The following MET variants were observed in gnomAD, a reference collection of about 807,000 sequenced individuals.
The protein encoded by MET is hepatocyte growth factor receptor.
MET carries 48 observed loss-of-function variants against 133.1 expected under a neutral mutation model. That is an observed-to-expected ratio of 0.36 (90% CI 0.29 to 0.46). MET has a LOEUF of 0.46. Ranked by LOEUF, MET falls within the 20% of genes least tolerant of loss-of-function variation. The pLI is 1.00. For missense variants in MET, 1,442 were observed against 1,695.9 expected (o/e 0.85, Z 2.63); for synonymous variants, 628 against 616.5 (o/e 1.02, Z -0.28).
At chr7:116,705,904 C>G (rs1026850747) in intron 2 of MET, among the ~76,000 whole-genome samples, 2 of 152,018 alleles carry the variant, frequency 1.3e-5, no homozygotes, top group African/African-American at 4.8e-5. Flanking sequence ...AATTTTGTAA[C>G]GCCCCCTGAG....
chr7:116,734,046 C>G (rs138637051), intron 3 of MET, among the ~76,000 whole-genome samples: 1,809 of 152,230 alleles, frequency 0.012, 17 homozygotes, highest in South Asian at 0.029. Flanking sequence ...CGGGAGGAGT[C>G]AGGAGTGGAG....
At chr7:116,755,657 T>C in intron 6 of MET, 142 bp downstream of exon 6, 1 of 996,238 alleles carries the variant, frequency 1.0e-6, no homozygotes, top group East Asian at 2.6e-5. Context: ...TGTGGGTCTG[T>C]TCTGTTTTGT....
chr7:116,782,745 C>G (rs1476527441), intron 18 of MET, among the ~76,000 whole-genome samples: 1 of 152,136 alleles, frequency 6.6e-6, no homozygotes. Flanking sequence ...GATGCATAGC[C>G]CCAGATAGCG....
chr7:116,798,057 A>C lies in MET; in HGVS notation c.*1933A>C. 1 of 221,782 alleles carries C rather than the reference A, an allele frequency of 4.5e-6. No individual in the cohort carries two copies. Among genetic ancestry groups the C allele is most frequent in the Non-Finnish European group, 9.0e-6 (1 of 110,572 alleles). 13.7% of individuals were successfully genotyped at this position (221,782 alleles called of 1,614,324 possible). A position where few individuals can be genotyped will look rare whatever the true frequency, so the allele number is the denominator to read the frequency against. ...TATTGTAAATGGTGGATGACAAAAG[A>C]AAATCTGCTCTGTGGAAAGAAAGAA... On this transcript the variant is annotated 3_prime_UTR_variant, in exon 21 of 21. Coordinates refer to ENST00000397752, the MANE Select transcript of MET (RefSeq NM_000245.4).
At chr7:116,707,808 A>G (rs1359200595) in intron 2 of MET, among the ~76,000 whole-genome samples, 2 of 152,174 alleles carry the variant, frequency 1.3e-5, no homozygotes, top group African/African-American at 4.8e-5. Context: ...AATATCTCTA[A>G]AAAATATCTT....
intron 1 of MET, among the ~76,000 whole-genome samples, chr7:116,680,282 C>A (rs1257179733): frequency 6.6e-6 from 1 of 152,130 alleles, no homozygotes; most frequent in Non-Finnish European, 1.5e-5. Context: ...TGGAACCAAA[C>A]CATCAGTAAT....
chr7:116,736,005 T>C (rs1793197587), intron 3 of MET, among the ~76,000 whole-genome samples: 1 of 152,114 alleles, frequency 6.6e-6, no homozygotes, highest in Admixed American at 6.5e-5. Context: ...CTAGAAATCC[T>C]GGCCTCAAGT....
intron 1 of MET, among the ~76,000 whole-genome samples, chr7:116,696,199 ACT>A (rs1422062331): frequency 6.6e-6 from 1 of 151,900 alleles, no homozygotes; most frequent in Admixed American, 6.6e-5. Context: ...CTCCTTTGAG[ACT>A]CGGCTCTAGC....
intron 17 of MET, among the ~76,000 whole-genome samples, chr7:116,779,742 A>G (rs1476752378): frequency 6.6e-6 from 1 of 152,172 alleles, no homozygotes; most frequent in African/African-American, 2.4e-5. Context: ...AGAAGGTGAA[A>G]TATCTCACTA....
intron 15 of MET, 150 bp from the exon 16 acceptor site, chr7:116,777,239 A>G (rs1452219207): frequency 5.8e-6 from 4 of 686,112 alleles, no homozygotes; most frequent in Non-Finnish European, 1.0e-5. Context: ...CTACGTACCT[A>G]TAGTGGTATT....
At chr7:116,735,347 A>G (rs1484396440) in intron 3 of MET, among the ~76,000 whole-genome samples, 1 of 152,212 alleles carries the variant, frequency 6.6e-6, no homozygotes, top group Non-Finnish European at 1.5e-5. Flanking sequence ...ACCTAAAAAG[A>G]TGTCCCATGT....
Position 116,789,874 on chromosome 7 carries a change from G to A in MET, c.3799-5781G>A, listed in dbSNP as rs142065996. On this transcript the variant is annotated intron_variant, in intron 19 of 20. Transcript: ENST00000397752. The stretch of plus-strand genomic sequence containing the variant: ...GTGCAGATTTGTTACGTAGGTAAAC[G>A]TGTGCCATGGTGGTTTGCTGCACCT... 2.2e-3 allele frequency among the ~76,000 whole-genome samples: 332 copies of A among 152,248 alleles called. 3 individuals carry two copies. The highest frequency in any genetic ancestry group is 7.5e-3 in the African/African-American group (311 of 41,544).
intron 1 of MET, among the ~76,000 whole-genome samples, chr7:116,678,463 T>A (rs1311850323): frequency 6.6e-6 from 1 of 152,130 alleles, no homozygotes; most frequent in African/African-American, 2.4e-5. Context: ...ACTTGGGGAA[T>A]AACTGTTTGA....
chr7:116,774,826 C>A (rs1794942220), intron 14 of MET, 55 bp from the exon 15 acceptor site: 7 of 1,332,486 alleles, frequency 5.3e-6, no homozygotes, highest in Admixed American at 1.7e-5. Context: ...CTGTTTCAGT[C>A]CCCATTAAAT....
chr7:116,734,232 TC>T (rs1562905306), intron 3 of MET, among the ~76,000 whole-genome samples: 1 of 151,718 alleles, frequency 6.6e-6, no homozygotes, highest in Admixed American at 6.6e-5. Context: ...ACATTTTTTT[TC>T]CCCCCAAAGA....
intron 1 of MET, among the ~76,000 whole-genome samples, chr7:116,695,050 A>G (rs1006015195): frequency 6.6e-6 from 1 of 152,198 alleles, no homozygotes; most frequent in Non-Finnish European, 1.5e-5. Context: ...CTAACATGCA[A>G]ATTGGTTACA....
chr7:116,762,632 G>A (rs1175149486), intron 10 of MET, among the ~76,000 whole-genome samples: 1 of 152,144 alleles, frequency 6.6e-6, no homozygotes, highest in African/African-American at 2.4e-5. Flanking sequence ...TTCAGTGTGG[G>A]CCCTACCTTA....
rs1791505734 is a variant in MET at position 116,699,942 on chromosome 7, T to C, written c.858T>C (p.Ser286=). ...TAATCAGGTTCTGTTCCATAAACTC[T>C]GGATTGCATTCCTACATGGAAATGC... is the stretch of plus-strand genomic sequence containing the variant. The part of the protein sequence containing the change: ...TRIIRFCSIN[S]GLHSYMEMPL... Residue 286 remains serine (S), a synonymous_variant, in exon 2 of 21, where the codon TCT becomes TCC. Transcript: ENST00000397752. 1 of 1,614,086 alleles carries C rather than the reference T, an allele frequency of 6.2e-7. No homozygotes were observed. The highest frequency in any genetic ancestry group is 8.5e-7 in the Non-Finnish European group (1 of 1,179,966).
intron 3 of MET, among the ~76,000 whole-genome samples, chr7:116,738,862 G>A (rs192328198): frequency 3.3e-5 from 5 of 152,272 alleles, no homozygotes; most frequent in Admixed American, 2.6e-4. Flanking sequence ...CCCATTATAC[G>A]AATGAGAAAG....
Sources: gnomAD v4.1 joint callset for allele counts (sites outside exome capture counted in the v4.1 genomes callset) on GRCh38, gnomAD v4.1.1 for gene constraint, MANE v1.5 for transcripts, NCBI Gene and HGNC (gene_info 2026-07-23, HGNC 2026-07-21) for gene names.